The following HAT1 variants were observed in gnomAD, a reference collection of about 807,000 sequenced individuals.
The protein encoded by HAT1 is histone acetyltransferase type B catalytic subunit.
A neutral mutation model predicts 56.6 loss-of-function variants in HAT1; 20 were observed. The ratio of observed to expected loss-of-function variants is 0.35; its 90% CI spans 0.25 to 0.51. The LOEUF (loss-of-function observed/expected upper bound fraction) is 0.51. Among genes scored for constraint, HAT1 ranks in the 20% least tolerant of loss-of-function variants. The probability of loss-of-function intolerance (pLI) is 0.95; values close to 1 mark genes in which losing one functional copy is unlikely to be tolerated. For missense variants in HAT1, 408 were observed against 504.3 expected, an observed-to-expected ratio of 0.81 and a Z score of 1.83; for synonymous variants, 146 against 165.5, an observed-to-expected ratio of 0.88 and a Z score of 0.91.
chr2:171,925,450 C>A (rs1386360507), intron 1 of HAT1, 87 bp from the exon 2 acceptor site: 1 of 687,230 alleles, frequency 1.5e-6, no homozygotes, highest in Non-Finnish European at 2.7e-6. Context: ...TTAAATCATA[C>A]CCCTATTCCA....
At chr2:171,929,069 C>T (rs1006554165) in intron 2 of HAT1, among the ~76,000 whole-genome samples, 3 of 152,168 alleles carry the variant, frequency 2.0e-5, no homozygotes, top group Admixed American at 6.5e-5. Context: ...TTAGAATTTT[C>T]GTTATTCCAT....
intron 3 of HAT1, among the ~76,000 whole-genome samples, chr2:171,950,172 G>T (rs1222698116): frequency 6.6e-6 from 1 of 151,812 alleles, no homozygotes; most frequent in Non-Finnish European, 1.5e-5. Context: ...GGGTTTTTTT[G>T]TTTGTTTGTT....
At chr2:171,954,160 G>C (rs1255486207) in intron 4 of HAT1, among the ~76,000 whole-genome samples, 1 of 151,762 alleles carries the variant, frequency 6.6e-6, no homozygotes, top group Non-Finnish European at 1.5e-5. Context: ...TTATTTTTTT[G>C]CCAACTTTTG....
intron 4 of HAT1, among the ~76,000 whole-genome samples, chr2:171,964,468 A>AG (rs987062997): frequency 7.9e-5 from 12 of 152,318 alleles, no homozygotes; most frequent in African/African-American, 2.9e-4. Flanking sequence ...TCAGGCTTTT[A>AG]GGGACTGTAT....
chr2:171,929,690 T>C lies in HAT1; in HGVS notation c.112+4049T>C, dbSNP rs533616167. Among the ~76,000 whole-genome samples, 82 of 152,350 alleles carry C rather than the reference T, an allele frequency of 5.4e-4. 2 individuals are homozygous for C. The South Asian group carries it at 0.017, about 31-fold the overall frequency. ...TAAGGTTTGTTGTTCCATGTGGATA[T>C]CCACTTGTTTCAGTATAATTTGTGT... On this transcript the variant is annotated intron_variant, in intron 2 of 10. Transcript: ENST00000264108.
At chr2:171,963,746 T>C (rs146848390) in intron 4 of HAT1, among the ~76,000 whole-genome samples, 137 of 152,284 alleles carry the variant, frequency 9.0e-4, no homozygotes, top group Middle Eastern at 3.4e-3. Flanking sequence ...TTGATAGCTG[T>C]TGAAATTGTA....
chr2:171,957,213 GT>G (rs1687469106), intron 4 of HAT1, among the ~76,000 whole-genome samples: 1 of 152,240 alleles, frequency 6.6e-6, no homozygotes, highest in African/African-American at 2.4e-5. Flanking sequence ...CTGCCAACAT[GT>G]GCTACCTTTA....
At chr2:171,962,417 C>T (rs1039438680) in intron 4 of HAT1, among the ~76,000 whole-genome samples, 5 of 152,126 alleles carry the variant, frequency 3.3e-5, no homozygotes, top group Admixed American at 2.6e-4. Context: ...TTTTTTGAGA[C>T]GGAGTCTCAC....
intron 9 of HAT1, among the ~76,000 whole-genome samples, chr2:171,977,647 G>C (rs1178335943): frequency 7.0e-6 from 1 of 143,470 alleles, no homozygotes; most frequent in Non-Finnish European, 1.5e-5. Flanking sequence ...TGATAATCTG[G>C]ACCCTGCCTA....
intron 1 of HAT1, chr2:171,924,114 G>C (rs1686514855): frequency 6.6e-6 from 1 of 151,846 alleles, no homozygotes; most frequent in Admixed American, 6.6e-5. Flanking sequence ...CCCATTTTCT[G>C]TGTGTGTGTT....
chr2:171,957,365 T>A (rs1687472678), intron 4 of HAT1, among the ~76,000 whole-genome samples: 1 of 152,216 alleles, frequency 6.6e-6, no homozygotes, highest in Non-Finnish European at 1.5e-5. Flanking sequence ...GTGGCTCCTT[T>A]CTTCCTTCCA....
Position 171,973,980 on chromosome 2 carries a change from G to A in HAT1, c.824-2177G>A, listed in dbSNP as rs115994929. Among the ~76,000 whole-genome samples, 648 of 152,010 alleles carry A rather than the reference G, an allele frequency of 4.3e-3. 2 individuals carry two copies. The highest frequency in any genetic ancestry group is 0.015 in the African/African-American group (620 of 41,440). Reference sequence around the variant, plus strand: ...GGATCGCTTGAGCCCAGGAGTTCGAGAGCAGCCTAGGCAATGTGATGAAAT... The same window carrying A: ...GGATCGCTTGAGCCCAGGAGTTCGAAAGCAGCCTAGGCAATGTGATGAAAT... On this transcript the variant is annotated intron_variant, in intron 8 of 10. Transcript: ENST00000264108.
intron 8 of HAT1, among the ~76,000 whole-genome samples, chr2:171,968,617 T>C (rs893268621): frequency 6.6e-6 from 1 of 152,184 alleles, no homozygotes; most frequent in Admixed American, 6.5e-5. Flanking sequence ...CTAAACATGC[T>C]AAAGGACTTC....
intron 2 of HAT1, among the ~76,000 whole-genome samples, chr2:171,927,251 A>G (rs1397725487): frequency 1.3e-5 from 2 of 152,252 alleles, no homozygotes; most frequent in African/African-American, 2.4e-5. Context: ...GTGAAAAATA[A>G]TATATGCTCA....
chr2:171,975,705 C>G (rs1212315536), intron 8 of HAT1, among the ~76,000 whole-genome samples: 2 of 151,812 alleles, frequency 1.3e-5, no homozygotes, highest in Non-Finnish European at 2.9e-5. Context: ...GTAGGAATAT[C>G]CCTTCTTTCA....
Position 171,963,558 on chromosome 2 carries a change from A to G in HAT1, c.310-1780A>G, listed in dbSNP as rs573878235. Reference sequence around the variant, plus strand: ...TTTAAAAGTTAAAATTATACATGCTATGAAAGTCTTAAAGTGATTTTTAAA... The same window carrying G: ...TTTAAAAGTTAAAATTATACATGCTGTGAAAGTCTTAAAGTGATTTTTAAA... On this transcript the variant is annotated intron_variant, in intron 4 of 10. Coordinates refer to ENST00000264108, the MANE Select transcript of HAT1 (RefSeq NM_003642.4). Among the ~76,000 whole-genome samples, 16 of 152,346 alleles carry G rather than the reference A, an allele frequency of 1.1e-4. No individual in the cohort carries two copies. In the South Asian group the frequency reaches 3.3e-3, roughly 32 times the overall value.
intron 4 of HAT1, among the ~76,000 whole-genome samples, chr2:171,957,483 A>G (rs1434421930): frequency 6.6e-6 from 1 of 152,172 alleles, no homozygotes; most frequent in Admixed American, 6.5e-5. Context: ...TCATAGATGG[A>G]GAGGAATTTT....
chr2:171,946,034 C>G (rs1460709342), intron 2 of HAT1, among the ~76,000 whole-genome samples: 1 of 152,142 alleles, frequency 6.6e-6, no homozygotes, highest in East Asian at 1.9e-4. Context: ...GAACTCCTGA[C>G]CTCAGATGAT....
intron 8 of HAT1, among the ~76,000 whole-genome samples, chr2:171,975,066 T>C (rs555034174): frequency 1.3e-5 from 2 of 151,866 alleles, no homozygotes; most frequent in Non-Finnish European, 2.9e-5. Flanking sequence ...TCTGGCCTCA[T>C]AGAATGAGTT....
Sources: gnomAD v4.1 joint callset for allele counts (sites outside exome capture counted in the v4.1 genomes callset) on GRCh38, gnomAD v4.1.1 for gene constraint, MANE v1.5 for transcripts, NCBI Gene and HGNC (gene_info 2026-07-23, HGNC 2026-07-21) for gene names.